Variants in TRAPPC9 observed in about 807,000 individuals in gnomAD.
TRAPPC9 encodes IKK2 binding protein.
TRAPPC9 carries 83 observed loss-of-function variants against 124.0 expected under a neutral mutation model. The ratio of observed to expected loss-of-function variants is 0.67; its 90% CI spans 0.56 to 0.80. The LOEUF (loss-of-function observed/expected upper bound fraction) is 0.80, where lower values mean the gene tolerates loss of function less well. TRAPPC9 is among the 30% of genes least tolerant of loss of function. The pLI, the probability that TRAPPC9 is intolerant of heterozygous loss-of-function variation, is 0.00. For synonymous variants in TRAPPC9, 638 were observed against 617.5 expected (o/e 1.03, Z -0.49); for missense variants, 1,302 against 1,508.3 (o/e 0.86, Z 2.27).
At chr8:140,436,758 C>T (rs2070828800) in intron 3 of TRAPPC9, among the ~76,000 whole-genome samples, 2 of 152,212 alleles carry the variant, frequency 1.3e-5, no homozygotes, top group Non-Finnish European at 2.9e-5. Context: ...CTGGGAGATG[C>T]ACAGATTCTC....
rs115720728 is a variant in TRAPPC9, at chr8:140,347,818, T to A, written c.1495+12232A>T. ...GTGTACATGTATGTCTCTAGAACTG[T>A]TATGAATACAGTGATTTTTATAGCT... On this transcript the variant is annotated intron_variant, in intron 9 of 22. Transcript: ENST00000438773. Among the ~76,000 whole-genome samples, 937 of 152,358 alleles carry A rather than the reference T, an allele frequency of 6.1e-3. 9 individuals carry two copies. The highest frequency in any genetic ancestry group is 0.021 in the African/African-American group (889 of 41,580).
At chr8:140,430,173 T>TAA (rs1350427172) in intron 4 of TRAPPC9, among the ~76,000 whole-genome samples, 16 of 152,116 alleles carry the variant, frequency 1.1e-4, no homozygotes, top group African/African-American at 3.9e-4. Context: ...TGTTATCTGT[T>TAA]ACAGTGATTT....
At chr8:139,839,598 G>A (rs192191568) in intron 21 of TRAPPC9, among the ~76,000 whole-genome samples, 1 of 152,344 alleles carries the variant, frequency 6.6e-6, no homozygotes. Flanking sequence ...CTCCTCATTA[G>A]TCATGTTCGG....
chr8:139,763,682 A>T (rs1820390871), intron 21 of TRAPPC9, among the ~76,000 whole-genome samples: 2 of 152,232 alleles, frequency 1.3e-5, no homozygotes, highest in African/African-American at 4.8e-5. Context: ...ACGCGTGCAC[A>T]CACACGTCGA....
At chr8:140,009,014 T>C (rs1470153214) in intron 18 of TRAPPC9, among the ~76,000 whole-genome samples, 1 of 152,042 alleles carries the variant, frequency 6.6e-6, no homozygotes, top group African/African-American at 2.4e-5. Flanking sequence ...ACCAAGAGAA[T>C]CTAAAAACTG....
chr8:139,941,982 C>T (rs974260699), intron 19 of TRAPPC9, among the ~76,000 whole-genome samples: 8 of 152,186 alleles, frequency 5.3e-5, no homozygotes, highest in African/African-American at 1.9e-4. Flanking sequence ...ATGAAGAACA[C>T]AGGCTCCAGA....
chr8:140,000,147 A>C (rs1838293296), intron 18 of TRAPPC9, among the ~76,000 whole-genome samples: 1 of 152,222 alleles, frequency 6.6e-6, no homozygotes, highest in Non-Finnish European at 1.5e-5. Flanking sequence ...TTCCCTATTT[A>C]ATAAGTGGTG....
At chr8:139,875,532 T>G (rs1829264836) in intron 21 of TRAPPC9, among the ~76,000 whole-genome samples, 1 of 152,242 alleles carries the variant, frequency 6.6e-6, no homozygotes, top group South Asian at 2.1e-4. Context: ...CAAACGATCC[T>G]CTTTGTCAAC....
intron 13 of TRAPPC9, among the ~76,000 whole-genome samples, chr8:140,284,898 C>T (rs1226724471): frequency 2.6e-5 from 4 of 152,212 alleles, no homozygotes; most frequent in Non-Finnish European, 5.9e-5. Context: ...TCTTCAAAGA[C>T]GTCTTAAACT....
intron 21 of TRAPPC9, among the ~76,000 whole-genome samples, chr8:139,784,618 T>TATATATATATATATATATATATA (rs1822080776): frequency 1.3e-4 from 17 of 128,018 alleles, no homozygotes; most frequent in Non-Finnish European, 2.4e-4. Context: ...CATATATATA[T>TATATATATATATATATATATATA]ATATATATAT....
At chr8:139,767,501 C>T (rs554825797) in intron 21 of TRAPPC9, among the ~76,000 whole-genome samples, 7 of 152,272 alleles carry the variant, frequency 4.6e-5, no homozygotes, top group East Asian at 3.9e-4. Flanking sequence ...GCCTCCAATG[C>T]TGGGTGAGAC....
chr8:140,293,880 A>AAATT (rs200497911), intron 11 of TRAPPC9, among the ~76,000 whole-genome samples: 7 of 152,012 alleles, frequency 4.6e-5, no homozygotes, highest in Non-Finnish European at 8.8e-5. Context: ...ATAAAATTTA[A>AAATT]AATTAATTAA....
At chr8:140,393,352 T>G (rs2068987628) in intron 7 of TRAPPC9, among the ~76,000 whole-genome samples, 1 of 152,166 alleles carries the variant, frequency 6.6e-6, no homozygotes, top group South Asian at 2.1e-4. Context: ...AGTCCATGCT[T>G]CTTCCACCTC....
chr8:139,772,449 T>C (rs1415817452), intron 21 of TRAPPC9, among the ~76,000 whole-genome samples: 1 of 152,182 alleles, frequency 6.6e-6, no homozygotes, highest in African/African-American at 2.4e-5. Flanking sequence ...ACTCTAGCCA[T>C]CGCCATGGCC....
At chr8:139,836,160 C>T (rs545789469) in intron 21 of TRAPPC9, among the ~76,000 whole-genome samples, 3 of 152,184 alleles carry the variant, frequency 2.0e-5, no homozygotes, top group South Asian at 2.1e-4. Flanking sequence ...AGGCACCCAC[C>T]GCCACACCTG....
At chr8:140,185,769 A>G (rs1483243124) in intron 17 of TRAPPC9, among the ~76,000 whole-genome samples, 2 of 152,200 alleles carry the variant, frequency 1.3e-5, no homozygotes, top group African/African-American at 4.8e-5. Context: ...ATTATTTCGC[A>G]GCTGATGGGG....
intron 17 of TRAPPC9, among the ~76,000 whole-genome samples, chr8:140,189,196 T>TG (rs2062424106): frequency 6.6e-6 from 1 of 152,262 alleles, no homozygotes; most frequent in Admixed American, 6.5e-5. Context: ...AACACATGCC[T>TG]GGCATATATT....
intron 17 of TRAPPC9, among the ~76,000 whole-genome samples, chr8:140,028,068 TA>T (rs1840265410): frequency 6.6e-6 from 1 of 151,902 alleles, no homozygotes; most frequent in Non-Finnish European, 1.5e-5. Context: ...CTCTTTGAGA[TA>T]AAAACAAAAA....
intron 17 of TRAPPC9, among the ~76,000 whole-genome samples, chr8:140,151,850 C>A (rs1266721173): frequency 6.6e-6 from 1 of 152,170 alleles, no homozygotes; most frequent in Non-Finnish European, 1.5e-5. Flanking sequence ...ACACTCAAAT[C>A]TTTACCACAA....
Sources: gnomAD v4.1 joint callset for allele counts (sites outside exome capture counted in the v4.1 genomes callset) on GRCh38, gnomAD v4.1.1 for gene constraint, MANE v1.5 for transcripts, NCBI Gene and HGNC (gene_info 2026-07-23, HGNC 2026-07-21) for gene names.